UACA: variants seen among roughly 807,000 people sequenced by gnomAD.
UACA encodes nuclear membrane binding protein.
A neutral mutation model predicts 160.5 loss-of-function variants in UACA; 112 were observed. The observed-to-expected ratio is 0.70, with a 90% CI of 0.60 to 0.82. The LOEUF (loss-of-function observed/expected upper bound fraction) is 0.82, where lower values mean the gene tolerates loss of function less well. Among genes scored for constraint, UACA ranks in the 40% least tolerant of loss-of-function variants. UACA has a pLI of 0.00. For missense variants in UACA, 1,574 were observed against 1,614.6 expected (o/e 0.97, Z 0.43); for synonymous variants, 557 against 568.4 (o/e 0.98, Z 0.29).
rs1316303772 is a variant in UACA at position 70,674,449 on chromosome 15, T to C, written c.1131+2044A>G. Among the ~76,000 whole-genome samples the C allele has an allele frequency of 2.0e-5, 3 of 152,202 alleles. No homozygotes were observed. In the East Asian group the frequency reaches 5.8e-4, roughly 29 times the overall value. On this transcript the variant is annotated intron_variant, in intron 13 of 18. Coordinates refer to ENST00000322954, the MANE Select transcript of UACA (RefSeq NM_018003.4). ...TAGCAGAGTTAAGATTATAGGTGTC[T>C]TTTGCATCTGCTTTCAGTTTAAATA...
intron 9 of UACA, among the ~76,000 whole-genome samples, chr15:70,680,750 T>C (rs951305848): frequency 2.6e-5 from 4 of 152,180 alleles, no homozygotes; most frequent in Non-Finnish European, 5.9e-5. Context: ...AAGATCCATC[T>C]TCCTGACAAG....
Position 70,684,940 on chromosome 15 carries a change from TCAC to T in UACA, c.603-497_603-495del, listed in dbSNP as rs557823915. Among the ~76,000 whole-genome samples the T allele has an allele frequency of 1.1e-4, 17 of 152,204 alleles. No individual in the cohort carries two copies. In the East Asian group the frequency reaches 3.3e-3, roughly 29 times the overall value. On this transcript the variant is annotated intron_variant, in intron 7 of 18. Coordinates refer to ENST00000322954, the MANE Select transcript of UACA (RefSeq NM_018003.4). ...TCTTCAATGTCCTACACGTAAATAA[TCAC>T]CACAAAAATTTTCCACAACTGATAC...
At chr15:70,738,572 C>A (rs1015267695) in intron 1 of UACA, among the ~76,000 whole-genome samples, 2 of 152,022 alleles carry the variant, frequency 1.3e-5, no homozygotes, top group African/African-American at 4.8e-5. Flanking sequence ...ACAATAATCT[C>A]CTTCTACTTT....
chr15:70,767,208 C>T (rs2031030969), upstream of UACA, among the ~76,000 whole-genome samples: 1 of 146,274 alleles, frequency 6.8e-6, no homozygotes, highest in Non-Finnish European at 1.5e-5. Flanking sequence ...CCACTGCACT[C>T]CGGCCTGAGC....
chr15:70,657,654 G>A (rs1454365792), intron 18 of UACA, among the ~76,000 whole-genome samples: 2 of 152,028 alleles, frequency 1.3e-5, no homozygotes, highest in Non-Finnish European at 2.9e-5. Context: ...GAAAACAAAT[G>A]GATAAACCTC....
At chr15:70,680,817 C>A (rs1041840088) in intron 9 of UACA, among the ~76,000 whole-genome samples, 1 of 152,228 alleles carries the variant, frequency 6.6e-6, no homozygotes, top group African/African-American at 2.4e-5. Context: ...CACTTAGCAG[C>A]GATCTGATCA....
intron 1 of UACA, among the ~76,000 whole-genome samples, chr15:70,739,859 C>CT (rs758411548): frequency 1.2e-4 from 18 of 152,144 alleles, no homozygotes; most frequent in Non-Finnish European, 2.2e-4. Flanking sequence ...TCTTACAACT[C>CT]TATCTCATCT....
intron 2 of UACA, among the ~76,000 whole-genome samples, chr15:70,697,458 T>A (rs1044716062): frequency 5.3e-5 from 8 of 152,216 alleles, no homozygotes; most frequent in Non-Finnish European, 1.2e-4. Flanking sequence ...GGCTGTACCT[T>A]AGGAGAGAGG....
intron 3 of UACA, 86 bp from the exon 4 acceptor site, chr15:70,691,449 C>A (rs1414714705): frequency 3.1e-6 from 3 of 974,534 alleles, no homozygotes; most frequent in South Asian, 3.3e-5. Context: ...TCTTTTTTCC[C>A]AAAACTAGTT....
chr15:70,654,933 T>C lies in UACA; in HGVS notation c.*2123A>G, dbSNP rs1002689646. 6.6e-6 allele frequency: 1 copy of C among 152,214 alleles called. No individual in the cohort carries two copies. Among genetic ancestry groups the C allele is most frequent in the African/African-American group, 2.4e-5 (1 of 41,450 alleles). The allele number at this position is 152,214 out of a possible 1,614,324, so 9.4% of individuals were successfully genotyped here. On this transcript the variant is annotated 3_prime_UTR_variant, in exon 19 of 19. Transcript: ENST00000322954. ...CCTTCGATATCAAAAGGTGAGTGAA[T>C]GAGACAAGATTAGTTGAAGGAAGTA...
At chr15:70,777,541 A>G in the UACA span, among the ~76,000 whole-genome samples, 1 of 152,222 alleles carries the variant, frequency 6.6e-6, no homozygotes, top group Non-Finnish European at 1.5e-5. Flanking sequence ...TACAACGAAG[A>G]AAAAGGAAAA....
rs544249570 is a variant in UACA, at chr15:70,761,836, T to C, written c.78+1494A>G. 2.0e-5 allele frequency among the ~76,000 whole-genome samples: 3 copies of C among 152,326 alleles called. No homozygotes were observed. The South Asian group carries it at 6.2e-4, about 32-fold the overall frequency. On this transcript the variant is annotated intron_variant, in intron 1 of 18. Transcript: ENST00000322954. ...GATAATACCTACTAAATACTCTGCA[T>C]TTCTAGAAAACTGGATAAAATTAAG...
intron 1 of UACA, among the ~76,000 whole-genome samples, chr15:70,704,921 G>C (rs1898481355): frequency 6.6e-6 from 1 of 152,170 alleles, no homozygotes; most frequent in Non-Finnish European, 1.5e-5. Flanking sequence ...GATTAAAAAG[G>C]GAAGTGATGT....
intron 1 of UACA, among the ~76,000 whole-genome samples, chr15:70,723,167 T>C (rs1899043144): frequency 6.6e-6 from 1 of 152,208 alleles, no homozygotes; most frequent in Non-Finnish European, 1.5e-5. Flanking sequence ...TTAATATATG[T>C]GTACTCTGAA....
chr15:70,756,705 T>C (rs1433735308), intron 1 of UACA, among the ~76,000 whole-genome samples: 1 of 152,098 alleles, frequency 6.6e-6, no homozygotes, highest in Non-Finnish European at 1.5e-5. Context: ...AAACCCTGTC[T>C]CTACCAAAAA....
chr15:70,683,580 C>T (rs1897592676), intron 8 of UACA, among the ~76,000 whole-genome samples: 1 of 152,068 alleles, frequency 6.6e-6, no homozygotes, highest in Non-Finnish European at 1.5e-5. Flanking sequence ...TTAAACACTA[C>T]ATGTAGAAAA....
chr15:70,682,604 C>T (rs1183885294), intron 9 of UACA, among the ~76,000 whole-genome samples, 154 bp downstream of exon 9: 1 of 151,220 alleles, frequency 6.6e-6, no homozygotes, highest in Non-Finnish European at 1.5e-5. Context: ...ACCTCATGAT[C>T]TAAGTATCCA....
chr15:70,719,427 T>C (rs767962437), intron 1 of UACA, among the ~76,000 whole-genome samples: 8 of 152,164 alleles, frequency 5.3e-5, no homozygotes, highest in African/African-American at 1.9e-4. Flanking sequence ...ACAGGCAGAC[T>C]AAGAATGTGG....
rs1898262093 is a variant in UACA, at chr15:70,699,607, CCT to C, written c.130_131del (p.Arg44GlyfsTer12). On this transcript the variant is annotated frameshift_variant, in exon 2 of 19. Transcript: ENST00000322954. LOFTEE classifies it high-confidence loss of function. ...YDDRLMKAAE[R>X]GDVEKVTSIL... ...TTGAGGTCACTTTTTCTACATCCCC[CCT>C]TTCTGCTGCTTTCATCAATCGGTCA... 6.2e-7 allele frequency: 1 copy of C among 1,611,446 alleles called. No individual in the cohort carries two copies.
Sources: allele counts gnomAD v4.1 joint callset (sites outside exome capture counted in the v4.1 genomes callset), GRCh38; gene constraint gnomAD v4.1.1; transcripts MANE v1.5; gene names NCBI Gene and HGNC (gene_info 2026-07-23, HGNC 2026-07-21).